Variants in NEDD9 observed in about 807,000 individuals in gnomAD.
NEDD9 encodes the protein enhancer of filamentation 1.
In NEDD9, 26 loss-of-function variants were observed where a neutral mutation model predicts 76.6. The observed-to-expected ratio is 0.34, with a 90% CI of 0.25 to 0.47. The LOEUF is 0.47. NEDD9 is among the 20% of genes least tolerant of loss of function. NEDD9 has a pLI of 1.00. For synonymous variants in NEDD9, 392 were observed against 414.2 expected (o/e 0.95, Z 0.65); for missense variants, 937 against 1,058.5 (o/e 0.89, Z 1.59).
chr6:11,294,019 GTGTA>G (rs1280303753), intron 3 of NEDD9, among the ~76,000 whole-genome samples: 2 of 146,668 alleles, frequency 1.4e-5, no homozygotes, highest in Non-Finnish European at 3.0e-5. Flanking sequence ...GTGTGTGTGT[GTGTA>G]TGTGTGTATG....
chr6:11,334,340 G>T (rs1384065536), intron 2 of NEDD9, among the ~76,000 whole-genome samples: 3 of 152,190 alleles, frequency 2.0e-5, no homozygotes, highest in African/African-American at 4.8e-5. Context: ...TTTACAGTGA[G>T]TATGTATTAT....
intron 3 of NEDD9, among the ~76,000 whole-genome samples, chr6:11,264,886 T>TG (rs1422436738): frequency 6.6e-6 from 1 of 152,180 alleles, no homozygotes; most frequent in African/African-American, 2.4e-5. Flanking sequence ...TTTTAAGAGA[T>TG]GGGGGTCTTA....
At chr6:11,295,727 T>C (rs1188736463) in intron 3 of NEDD9, among the ~76,000 whole-genome samples, 1 of 152,198 alleles carries the variant, frequency 6.6e-6, no homozygotes, top group East Asian at 1.9e-4. Flanking sequence ...TGATTTCAGC[T>C]TCCTCCTCTG....
intron 1 of NEDD9, among the ~76,000 whole-genome samples, chr6:11,223,563 C>T (rs1759212153): frequency 6.6e-6 from 1 of 151,992 alleles, no homozygotes; most frequent in Admixed American, 6.5e-5. Flanking sequence ...AAAACAGACA[C>T]ACTTCAGAGA....
intron 2 of NEDD9, among the ~76,000 whole-genome samples, chr6:11,311,675 G>C (rs1264528662): frequency 1.3e-5 from 2 of 152,224 alleles, no homozygotes; most frequent in Non-Finnish European, 2.9e-5. Context: ...TAATCACAGT[G>C]CCTGGCTGTA....
intron 2 of NEDD9, among the ~76,000 whole-genome samples, chr6:11,333,178 A>T (rs960681257): frequency 6.6e-6 from 1 of 152,192 alleles, no homozygotes; most frequent in Non-Finnish European, 1.5e-5. Flanking sequence ...GTCTATCAGC[A>T]CAAAGAAGAA....
intron 1 of NEDD9, among the ~76,000 whole-genome samples, chr6:11,351,726 G>C (rs2113536190): frequency 6.6e-6 from 1 of 152,306 alleles, no homozygotes; most frequent in South Asian, 2.1e-4. Flanking sequence ...ATCCAATCGA[G>C]CATAGCAAAT....
intron 5 of NEDD9, among the ~76,000 whole-genome samples, chr6:11,189,595 C>T (rs1758076075): frequency 6.6e-6 from 1 of 151,962 alleles, no homozygotes; most frequent in African/African-American, 2.4e-5. Flanking sequence ...AGAAGTGGAG[C>T]TGGTATTATT....
At chr6:11,210,253 T>C (rs1226042724) in intron 2 of NEDD9, among the ~76,000 whole-genome samples, 1 of 152,182 alleles carries the variant, frequency 6.6e-6, no homozygotes, top group Non-Finnish European at 1.5e-5. Context: ...GGGAAAGACC[T>C]GGGAATCTGC....
intron 1 of NEDD9, among the ~76,000 whole-genome samples, chr6:11,222,638 T>C (rs1182618531): frequency 5.3e-5 from 8 of 152,268 alleles, no homozygotes; most frequent in Non-Finnish European, 8.8e-5. Context: ...TAAATGCATG[T>C]TCCATGATGA....
At chr6:11,248,910 C>A in intron 3 of NEDD9, 1 of 346,306 alleles carries the variant, frequency 2.9e-6, no homozygotes, top group South Asian at 2.3e-5. Context: ...CCTGCCCTCT[C>A]CTCCATCTGA....
In NEDD9 at chr6:11,183,678, TC is replaced by T. The variant is rs1757908527; in HGVS notation, c.*1483del. The T allele has an allele frequency of 6.6e-6, 1 of 152,340 alleles. No individual in the cohort carries two copies. Among genetic ancestry groups the T allele is most frequent in the South Asian group, 2.1e-4 (1 of 4,830 alleles). The allele number at this position is 152,340 out of a possible 1,614,324, so 9.4% of individuals were successfully genotyped here. A position where few individuals can be genotyped will look rare whatever the true frequency, so the allele number is the denominator to read the frequency against. Reference sequence around the variant, plus strand: ...TTTTAATCACTCTGAGATCATGCATTCTTGTTTTTTAAATCCTTTTCTGTTC... The same window carrying T: ...TTTTAATCACTCTGAGATCATGCATTTTGTTTTTTAAATCCTTTTCTGTTC... On this transcript the variant is annotated 3_prime_UTR_variant, in exon 7 of 7. Transcript: ENST00000379446.
intron 1 of NEDD9, among the ~76,000 whole-genome samples, chr6:11,348,479 T>C (rs1762404639): frequency 6.6e-6 from 1 of 152,096 alleles, no homozygotes; most frequent in Non-Finnish European, 1.5e-5. Context: ...GCCAAAGCAA[T>C]CCTAAGTTAA....
At position 11,190,372 on chromosome 6, in the gene NEDD9, C is replaced by T; in HGVS notation, c.1497G>A (p.Leu499=). 2 of 1,614,210 alleles carry T rather than the reference C, an allele frequency of 1.2e-6. No individual in the cohort carries two copies. Among genetic ancestry groups the T allele is most frequent in the Non-Finnish European group, 1.7e-6 (2 of 1,180,040 alleles). The change falls in exon 5 of 7, where the codon CTG becomes CTA. Residue 499 remains leucine (L), a synonymous_variant. Transcript: ENST00000379446. The surrounding 1 kb of genome is among the most constrained non-coding windows in gnomAD (Gnocchi z 5.8). Reference sequence around the variant, plus strand: ...CATTTAAGTCATGGCTGGTTTGACTCAGGATCTGGTGGGAGTCTTCAACTC... The same window carrying T: ...CATTTAAGTCATGGCTGGTTTGACTTAGGATCTGGTGGGAGTCTTCAACTC... ...LQRVEDSHQI[L]SQTSHDLNEC... is the part of the protein sequence containing the mutation.
At chr6:11,351,723 C>T (rs1371189705) in intron 1 of NEDD9, among the ~76,000 whole-genome samples, 5 of 152,252 alleles carry the variant, frequency 3.3e-5, no homozygotes, top group East Asian at 3.8e-4. Context: ...TTCATCCAAT[C>T]GAGCATAGCA....
chr6:11,324,453 C>T (rs1018151323), intron 2 of NEDD9, among the ~76,000 whole-genome samples: 3 of 152,182 alleles, frequency 2.0e-5, no homozygotes, highest in Non-Finnish European at 4.4e-5. Flanking sequence ...TGCCACCCCA[C>T]GTGCAGGGCC....
chr6:11,343,302 G>A (rs988893570), intron 1 of NEDD9, among the ~76,000 whole-genome samples: 12 of 151,964 alleles, frequency 7.9e-5, no homozygotes, highest in Admixed American at 4.6e-4. Context: ...GGTGTCATGC[G>A]CCTGTAATCC....
In NEDD9 at chr6:11,190,072, G is replaced by T. The variant is rs748258645; in HGVS notation, c.1797C>A (p.His599Gln). ...TCAGGCCTGGGGGCAGTGCCTTGTT[G>T]TGGGCCTGGGCCTTGTGGTCACCAG... The part of the protein sequence containing the change: ...LHPGDHKAQA[H>Q]NKALPPGLSK... The change falls in exon 5 of 7, where the codon CAC becomes CAA. Residue 599 changes from histidine to glutamine, a missense_variant. Transcript: ENST00000379446. The surrounding 1 kb of genome is among the most constrained non-coding windows in gnomAD (Gnocchi z 5.8). 6.2e-7 allele frequency: 1 copy of T among 1,602,020 alleles called. No homozygotes were observed. Among genetic ancestry groups the T allele is most frequent in the Non-Finnish European group, 8.5e-7 (1 of 1,173,264 alleles).
chr6:11,294,262 A>G (rs1372497948), intron 3 of NEDD9, among the ~76,000 whole-genome samples: 1 of 152,340 alleles, frequency 6.6e-6, no homozygotes, highest in East Asian at 1.9e-4. Context: ...GCTGTGTTCC[A>G]TAACGACTAT....
Sources: gnomAD v4.1 joint callset for allele counts (sites outside exome capture counted in the v4.1 genomes callset) on GRCh38, gnomAD v4.1.1 for gene constraint, Gnocchi (gnomAD v3.1) non-coding constraint, MANE v1.5 for transcripts, NCBI Gene and HGNC (gene_info 2026-07-23, HGNC 2026-07-21) for gene names.